Variants in DNM2 observed in about 807,000 individuals in gnomAD.
DNM2 encodes dynamin 2.
In DNM2, 15 loss-of-function variants were observed where a neutral mutation model predicts 99.0. That is an observed-to-expected ratio of 0.15 (90% CI 0.10 to 0.23). DNM2 has a LOEUF of 0.23. Ranked by LOEUF, DNM2 falls within the 10% of genes least tolerant of loss-of-function variation. DNM2 has a pLI of 1.00. For missense variants in DNM2, 742 were observed against 1,189.4 expected (o/e 0.62, Z 5.53); for synonymous variants, 525 against 481.2 (o/e 1.09, Z -1.19).
chr19:10,757,950 A>AG (rs2070454153), intron 1 of DNM2, among the ~76,000 whole-genome samples: 1 of 151,528 alleles, frequency 6.6e-6, no homozygotes, highest in African/African-American at 2.4e-5. Context: ...TCTCAAAAAA[A>AG]AAAAAAAAAA....
intron 1 of DNM2, among the ~76,000 whole-genome samples, chr19:10,749,953 G>A (rs758945806): frequency 1.2e-4 from 19 of 152,228 alleles, no homozygotes; most frequent in Non-Finnish European, 2.6e-4. Context: ...GGCCAGCAGT[G>A]CCAGAGAGAA....
chr19:10,759,330 A>G (rs2070536252), intron 1 of DNM2, among the ~76,000 whole-genome samples: 1 of 152,212 alleles, frequency 6.6e-6, no homozygotes, highest in African/African-American at 2.4e-5. Flanking sequence ...TTTTCTGGAC[A>G]TGAAACACAT....
At chr19:10,806,013 G>A (rs1224624435) in intron 13 of DNM2, 46 bp downstream of exon 13, 90 of 1,613,068 alleles carry the variant, frequency 5.6e-5, no homozygotes, top group Non-Finnish European at 6.9e-5. Flanking sequence ...GGGGGCGGGA[G>A]GACGCTAAGT....
chr19:10,779,498 C>CTTTTTTTTTTTTTTTTTTTTT (rs1227116160), intron 5 of DNM2, among the ~76,000 whole-genome samples: 2 of 54,456 alleles, frequency 3.7e-5, no homozygotes, highest in African/African-American at 7.3e-5. Flanking sequence ...TTCTTTCTTT[C>CTTTTTTTTTTTTTTTTTTTTT]TTTCTTTTTT....
At position 10,825,240 on chromosome 19, in the gene DNM2, A is replaced by G; in HGVS notation, c.2058+19A>G. The G allele has an allele frequency of 6.2e-7, 1 of 1,613,358 alleles. No homozygotes were observed. Among genetic ancestry groups the G allele is most frequent in the East Asian group, 2.2e-5 (1 of 44,844 alleles). On this transcript the variant is annotated intron_variant, in intron 18 of 20. Coordinates refer to ENST00000389253, the MANE Select transcript of DNM2 (RefSeq NM_001005361.3). ...CAACAATGTGAGTGGAGAACTAAAA[A>G]TGAGAAGGAGGTAGCTGGGTGCGGT...
chr19:10,737,938 A>C (rs1054615045), intron 1 of DNM2, among the ~76,000 whole-genome samples: 8 of 152,092 alleles, frequency 5.3e-5, no homozygotes, highest in African/African-American at 1.7e-4. Flanking sequence ...GCACTCATTG[A>C]TGTACTTGTC....
At chr19:10,741,753 G>T (rs1232886860) in intron 1 of DNM2, among the ~76,000 whole-genome samples, 1 of 151,112 alleles carries the variant, frequency 6.6e-6, no homozygotes, top group South Asian at 2.1e-4. Flanking sequence ...GGGTTTCACC[G>T]TGTTAGCCAG....
intron 1 of DNM2, 24 bp downstream of exon 1, chr19:10,718,427 C>CG (rs2068822652): frequency 7.0e-7 from 1 of 1,431,386 alleles, no homozygotes; most frequent in African/African-American, 1.5e-5. Context: ...GCAGGGATCG[C>CG]GGGCGGGTGG....
Position 10,718,303 on chromosome 19 carries a change from A to C in DNM2, c.61A>C (p.Ser21Arg), listed in dbSNP as rs2068819558. ...PLVNKLQDAF[S>R]SIGQSCHLDL... Reference sequence around the variant, plus strand: ...GGTCAACAAACTGCAGGACGCCTTCAGCTCCATCGGCCAGAGCTGCCACCT... The same window carrying C: ...GGTCAACAAACTGCAGGACGCCTTCCGCTCCATCGGCCAGAGCTGCCACCT... The change falls in exon 1 of 21, where the codon AGC (serine) becomes CGC (arginine). Residue 21 changes from serine (S) to arginine (R), a missense_variant. Physicochemically the swap from Ser to Arg is moderately radical, Grantham distance 110. This residue lies in a region of DNM2 where 52 missense variants were observed against 46.1 expected (regional missense o/e 1.13). Transcript: ENST00000389253. The C allele has an allele frequency of 1.3e-6, 2 of 1,509,432 alleles. No individual in the cohort carries two copies. The highest frequency in any genetic ancestry group is 4.7e-4 in the Middle Eastern group (2 of 4,240). The allele number at this position is 1,509,432 out of a possible 1,614,324, so 93.5% of individuals were successfully genotyped here.
At chr19:10,779,502 C>T (rs28848518) in intron 5 of DNM2, among the ~76,000 whole-genome samples, 1,015 of 29,032 alleles carry the variant, frequency 0.035, 10 homozygotes, top group South Asian at 0.053. Context: ...TTCTTTCTTT[C>T]TTTTTTTTTT....
rs767922836 is a variant in DNM2, at chr19:10,830,987, C to T, written c.2553C>T (p.Pro851=). The T allele has an allele frequency of 1.7e-5, 28 of 1,611,816 alleles. No individual in the cohort carries two copies. The South Asian group carries it at 3.0e-4, about 17-fold the overall frequency. ...TTTATTCTCTTTGCAGCAGAAGACCCCCTGCTGCGCCCAGCCGGCCCACCA... is the reference window on the plus strand; with the variant it reads ...TTTATTCTCTTTGCAGCAGAAGACCTCCTGCTGCGCCCAGCCGGCCCACCA... ...GIPPGVPSRR[P]PAAPSRPTII... is the part of the protein sequence containing the mutation. The change falls in exon 21 of 21, where the codon CCC becomes CCT. Residue 851 remains proline, a synonymous_variant. Coordinates refer to ENST00000389253, the MANE Select transcript of DNM2 (RefSeq NM_001005361.3). This position sits in a 1 kb window ranked among gnomAD's most constrained non-coding sequence, Gnocchi z 4.8.
At chr19:10,744,683 C>T (rs1338524900) in intron 1 of DNM2, among the ~76,000 whole-genome samples, 1 of 152,190 alleles carries the variant, frequency 6.6e-6, no homozygotes, top group African/African-American at 2.4e-5. Flanking sequence ...TGAGCGTTCA[C>T]TTTGCCCTGG....
At chr19:10,798,021 C>T (rs2071998935) in intron 10 of DNM2, among the ~76,000 whole-genome samples, 1 of 152,130 alleles carries the variant, frequency 6.6e-6, no homozygotes, top group Admixed American at 6.6e-5. Context: ...GTGTGTGCCA[C>T]AGATACAGTG....
intron 2 of DNM2, among the ~76,000 whole-genome samples, chr19:10,770,089 G>A (rs895220194): frequency 2.6e-5 from 4 of 152,186 alleles, no homozygotes; most frequent in Non-Finnish European, 4.4e-5. Flanking sequence ...CTTGTGAGGC[G>A]CAACGGGACC....
intron 1 of DNM2, among the ~76,000 whole-genome samples, chr19:10,739,299 C>T (rs2069651093): frequency 2.6e-5 from 4 of 152,148 alleles, no homozygotes; most frequent in Admixed American, 2.6e-4. Context: ...ACCATAATAC[C>T]TAATCCTTTT....
rs2068819223 is a variant in DNM2 at position 10,718,294 on chromosome 19, G to A, written c.52G>A (p.Asp18Asn). The A allele has an allele frequency of 6.6e-7, 1 of 1,504,256 alleles. No homozygotes were observed. Among genetic ancestry groups the A allele is most frequent in the Non-Finnish European group, 8.9e-7 (1 of 1,126,762 alleles). The allele number at this position is 1,504,256 out of a possible 1,614,324, so 93.2% of individuals were successfully genotyped here. ...GATCCCGCTGGTCAACAAACTGCAG[G>A]ACGCCTTCAGCTCCATCGGCCAGAG... ...ELIPLVNKLQ[D>N]AFSSIGQSCH... Residue 18 changes from aspartate (D) to asparagine (N), a missense_variant, in exon 1 of 21, where the codon GAC becomes AAC. Transcript: ENST00000389253.
intron 2 of DNM2, among the ~76,000 whole-genome samples, chr19:10,769,913 G>C (rs2070920629): frequency 6.6e-6 from 1 of 152,186 alleles, no homozygotes; most frequent in Admixed American, 6.5e-5. Flanking sequence ...CCTTCCAGTG[G>C]CCTCACAAAG....
intron 3 of DNM2, among the ~76,000 whole-genome samples, chr19:10,774,990 C>T (rs889543170): frequency 4.1e-4 from 62 of 151,594 alleles, no homozygotes; most frequent in South Asian, 2.1e-4. Flanking sequence ...AGGCTGGTTT[C>T]GAACTCCTGA....
At chr19:10,739,406 A>C (rs559305146) in intron 1 of DNM2, among the ~76,000 whole-genome samples, 2 of 152,196 alleles carry the variant, frequency 1.3e-5, no homozygotes, top group Non-Finnish European at 2.9e-5. Context: ...AAACCCATAC[A>C]TATGAAGCAG....
Sources: allele counts gnomAD v4.1 joint callset (sites outside exome capture counted in the v4.1 genomes callset), GRCh38; gene constraint gnomAD v4.1.1; regional missense constraint gnomAD v4.1.1; non-coding constraint Gnocchi (gnomAD v3.1); transcripts MANE v1.5; gene names NCBI Gene and HGNC (gene_info 2026-07-23, HGNC 2026-07-21).